Variants in GXYLT2 observed in about 807,000 individuals in gnomAD.
The protein encoded by GXYLT2 is glucoside xylosyltransferase 2.
In GXYLT2, 53 loss-of-function variants were observed where a neutral mutation model predicts 45.8. The observed-to-expected ratio is 1.16, with a 90% CI of 0.93 to 1.46. The LOEUF is 1.46. GXYLT2 is among the 40% of genes most tolerant of loss of function. GXYLT2 has a pLI of 0.00. For missense variants in GXYLT2, 551 were observed against 544.4 expected (o/e 1.01, Z -0.12); for synonymous variants, 219 against 214.2 (o/e 1.02, Z -0.19).
rs1168545306 is a variant in GXYLT2, at chr3:72,908,547, G to C, written c.456G>C (p.Glu152Asp). Residue 152 changes from glutamate to aspartate, a missense_variant, in exon 2 of 7, where the codon GAG becomes GAC. Coordinates refer to ENST00000389617, the MANE Select transcript of GXYLT2 (RefSeq NM_001080393.2). ...HIFTEDSLKP[E>D]FDKQLRQWPD... ...TCACTGAAGACTCTCTGAAGCCCGA[G>C]TTTGATAAGCAGGTGAATTTGCAGA... The C allele has an allele frequency of 1.2e-6, 2 of 1,610,750 alleles. No individual in the cohort carries two copies. Among genetic ancestry groups the C allele is most frequent in the Non-Finnish European group, 1.7e-6 (2 of 1,178,672 alleles).
chr3:72,895,358 T>C (rs2107060274), intron 1 of GXYLT2, among the ~76,000 whole-genome samples: 1 of 152,340 alleles, frequency 6.6e-6, no homozygotes, highest in East Asian at 1.9e-4. Context: ...GATTCTGTGA[T>C]GTAATGAGTT....
intron 5 of GXYLT2, 54 bp downstream of exon 5, chr3:72,957,406 A>G (rs1303599165): frequency 7.2e-6 from 11 of 1,524,540 alleles, no homozygotes; most frequent in Non-Finnish European, 9.8e-6. Context: ...AGCACACCCC[A>G]CGGAGCACAT....
intron 3 of GXYLT2, among the ~76,000 whole-genome samples, chr3:72,944,503 C>T (rs1386436597): frequency 6.6e-6 from 1 of 152,108 alleles, no homozygotes; most frequent in African/African-American, 2.4e-5. Context: ...GATCCGCCCG[C>T]CTCAGCCTCC....
At chr3:72,921,336 G>T (rs1709830499) in intron 2 of GXYLT2, among the ~76,000 whole-genome samples, 1 of 152,126 alleles carries the variant, frequency 6.6e-6, no homozygotes, top group Non-Finnish European at 1.5e-5. Flanking sequence ...AACTATGGGA[G>T]TACAAGAGCC....
intron 3 of GXYLT2, among the ~76,000 whole-genome samples, chr3:72,948,856 A>T (rs1347966350): frequency 6.7e-6 from 1 of 149,296 alleles, no homozygotes; most frequent in African/African-American, 2.5e-5. Context: ...AAAAAAAAAA[A>T]TCCCTTTGAC....
At chr3:72,968,751 C>A (rs1710923227) in intron 6 of GXYLT2, among the ~76,000 whole-genome samples, 2 of 152,110 alleles carry the variant, frequency 1.3e-5, no homozygotes, top group South Asian at 2.1e-4. Flanking sequence ...TATGGTGAAA[C>A]CCTGTCTCTA....
rs911492363 is a variant in GXYLT2 at position 72,967,657 on chromosome 3, C to T, written c.1087C>T (p.Arg363Ter). 7 of 1,613,770 alleles carry T rather than the reference C, an allele frequency of 4.3e-6. No homozygotes were observed. Among genetic ancestry groups the T allele is most frequent in the Admixed American group, 1.7e-5 (1 of 59,978 alleles). The change falls in exon 6 of 7, where the codon CGA becomes TGA. Residue 363 changes from arginine to a stop codon, truncating the protein, a stop_gained. Transcript: ENST00000389617. LOFTEE classifies it high-confidence loss of function. Reference protein sequence around the residue: ...HEGVSVLHGNRGVYHDDKQPT... With the variant: ...HEGVSVLHGN ...AGGTGTGTCTGTTCTGCATGGAAAC[C>T]GAGGCGTCTACCATGACGATAAGCA... is the stretch of plus-strand genomic sequence containing the variant.
chr3:72,936,366 G>C (rs1039614559), intron 3 of GXYLT2, among the ~76,000 whole-genome samples: 10 of 150,310 alleles, frequency 6.7e-5, no homozygotes, highest in African/African-American at 2.4e-4. Context: ...AATAAACATA[G>C]AAAACTGGCC....
chr3:72,922,043 C>A (rs958291801), intron 2 of GXYLT2, among the ~76,000 whole-genome samples, 161 bp from the exon 3 acceptor site: 5 of 152,174 alleles, frequency 3.3e-5, no homozygotes, highest in African/African-American at 1.2e-4. Flanking sequence ...TTAGTAGGAG[C>A]AAATACTCTT....
At chr3:72,956,402 AG>A (rs1710648213) in intron 4 of GXYLT2, among the ~76,000 whole-genome samples, 1 of 152,204 alleles carries the variant, frequency 6.6e-6, no homozygotes, top group Non-Finnish European at 1.5e-5. Flanking sequence ...TGAATAATTC[AG>A]TCTGTGAATA....
rs776888696 is a variant in GXYLT2 at position 72,955,288 on chromosome 3, C to A, written c.791C>A (p.Ala264Glu). ...RFARHPFYGS[A>E]GVNSGVMLMN... ...GCTAGGCATCCTTTCTATGGCTCTG[C>A]AGGAGTTAATTCAGGAGTCATGTTA... The change falls in exon 4 of 7, where the codon GCA (alanine) becomes GAA (glutamate). Residue 264 changes from alanine to glutamate, a missense_variant. Ala to Glu is a moderately radical substitution (Grantham distance 107). Transcript: ENST00000389617. 9.6e-5 allele frequency: 155 copies of A among 1,613,822 alleles called. No homozygotes were observed. Among genetic ancestry groups the A allele is most frequent in the Non-Finnish European group, 1.3e-4 (150 of 1,179,860 alleles).
chr3:72,953,982 T>G (rs1710576236), intron 3 of GXYLT2, among the ~76,000 whole-genome samples: 1 of 152,100 alleles, frequency 6.6e-6, no homozygotes, highest in South Asian at 2.1e-4. Flanking sequence ...TCCTAGCTAC[T>G]CGGGAGGCTG....
At chr3:72,946,355 G>A (rs1288717952) in intron 3 of GXYLT2, among the ~76,000 whole-genome samples, 1 of 149,944 alleles carries the variant, frequency 6.7e-6, no homozygotes, top group East Asian at 1.9e-4. Flanking sequence ...AATGAACTTA[G>A]GAAATAAAGT....
chr3:72,908,320 CTTTT>C, intron 1 of GXYLT2, 43 bp from the exon 2 acceptor site: 1 of 1,459,346 alleles, frequency 6.9e-7, no homozygotes, highest in South Asian at 1.3e-5. Flanking sequence ...GTTGTTTTTA[CTTTT>C]TTGAGTTTAG....
At chr3:72,891,145 AGAAAAC>A (rs1448463331) in intron 1 of GXYLT2, among the ~76,000 whole-genome samples, 1 of 152,162 alleles carries the variant, frequency 6.6e-6, no homozygotes, top group Non-Finnish European at 1.5e-5. Context: ...TCGTGTTTTC[AGAAAAC>A]GAGTGCTTTA....
intron 2 of GXYLT2, among the ~76,000 whole-genome samples, chr3:72,914,782 G>C (rs1709704123): frequency 6.6e-6 from 1 of 152,038 alleles, no homozygotes. Context: ...ATAGAGCCTG[G>C]GTCTGTCTCA....
intron 3 of GXYLT2, among the ~76,000 whole-genome samples, chr3:72,953,545 C>T (rs1710566769): frequency 1.3e-5 from 2 of 152,140 alleles, no homozygotes; most frequent in Non-Finnish European, 2.9e-5. Context: ...CTGCCTCGGC[C>T]TCCCAAAGTG....
At chr3:72,946,608 G>A (rs966787944) in intron 3 of GXYLT2, among the ~76,000 whole-genome samples, 10 of 152,156 alleles carry the variant, frequency 6.6e-5, no homozygotes, top group Admixed American at 6.6e-5. Flanking sequence ...TCCTGTGGTG[G>A]AAGGGGTGAG....
intron 3 of GXYLT2, among the ~76,000 whole-genome samples, chr3:72,943,713 C>T (rs528295865): frequency 6.6e-6 from 1 of 151,970 alleles, no homozygotes; most frequent in South Asian, 2.1e-4. Flanking sequence ...ATAGAAATCA[C>T]ATAAAATGTA....
Sources: allele counts gnomAD v4.1 joint callset (sites outside exome capture counted in the v4.1 genomes callset), GRCh38; gene constraint gnomAD v4.1.1; transcripts MANE v1.5; gene names NCBI Gene and HGNC (gene_info 2026-07-23, HGNC 2026-07-21).